The following RORA variants were observed in gnomAD, a reference collection of about 807,000 sequenced individuals.
RORA encodes RAR related orphan receptor A.
A neutral mutation model predicts 69.5 loss-of-function variants in RORA; 7 were observed. The ratio of observed to expected loss-of-function variants is 0.10; its 90% CI spans 0.06 to 0.19. The LOEUF (loss-of-function observed/expected upper bound fraction) is 0.19, where lower values mean the gene tolerates loss of function less well. Among genes scored for constraint, RORA ranks in the 10% least tolerant of loss-of-function variants. The pLI is 1.00. For synonymous variants in RORA, 261 were observed against 240.8 expected (o/e 1.08, Z -0.78); for missense variants, 457 against 663.0 (o/e 0.69, Z 3.41).
intron 1 of RORA, among the ~76,000 whole-genome samples, chr15:60,740,272 G>GA (rs143064517): frequency 0.085 from 12,897 of 152,168 alleles, 626 homozygotes; most frequent in Admixed American, 0.12. Flanking sequence ...CACTTCAGAA[G>GA]AAAAATCACC....
intron 1 of RORA, among the ~76,000 whole-genome samples, chr15:60,766,726 C>A (rs913380161): frequency 6.6e-6 from 1 of 151,872 alleles, no homozygotes. Context: ...TTGCTGGGGC[C>A]GAGTTTTAAA....
intron 1 of RORA, among the ~76,000 whole-genome samples, chr15:60,931,597 C>G (rs530648796): frequency 6.6e-5 from 10 of 152,340 alleles, no homozygotes; most frequent in Admixed American, 6.5e-4. Flanking sequence ...TGGCTGATGC[C>G]AAGACTTAAT....
intron 1 of RORA, among the ~76,000 whole-genome samples, chr15:60,774,276 A>T (rs999330410): frequency 2.0e-5 from 3 of 152,194 alleles, no homozygotes; most frequent in Non-Finnish European, 2.9e-5. Context: ...AGTACTTTTC[A>T]ATGTCAAGGC....
intron 1 of RORA, among the ~76,000 whole-genome samples, chr15:61,158,417 T>C (rs2079464580): frequency 6.6e-6 from 1 of 152,210 alleles, no homozygotes; most frequent in African/African-American, 2.4e-5. Flanking sequence ...TAATTGGATA[T>C]GAACTTTTCA....
intron 1 of RORA, among the ~76,000 whole-genome samples, chr15:61,014,775 G>A (rs576342777): frequency 6.6e-6 from 1 of 152,208 alleles, no homozygotes; most frequent in South Asian, 2.1e-4. Context: ...TAACACAGAC[G>A]AAGCCAAAGG....
At chr15:60,960,642 C>G (rs927335601) in intron 1 of RORA, among the ~76,000 whole-genome samples, 1 of 138,946 alleles carries the variant, frequency 7.2e-6, no homozygotes, top group Non-Finnish European at 1.6e-5. Context: ...GCACACAAAT[C>G]TTTTTTTTTT....
At chr15:60,753,207 G>T (rs188250516) in intron 1 of RORA, among the ~76,000 whole-genome samples, 1 of 152,336 alleles carries the variant, frequency 6.6e-6, no homozygotes, top group Admixed American at 6.5e-5. Context: ...CCTACTCGCA[G>T]TTTAGTTCTG....
At chr15:61,088,991 C>T (rs999829369) in intron 1 of RORA, among the ~76,000 whole-genome samples, 1 of 152,176 alleles carries the variant, frequency 6.6e-6, no homozygotes, top group African/African-American at 2.4e-5. Context: ...TAAACATCTG[C>T]CCCAGTGTCT....
Position 61,131,426 on chromosome 15 carries a change from T to C in RORA, c.166+97627A>G, listed in dbSNP as rs916846965. Among the ~76,000 whole-genome samples, 2 of 152,262 alleles carry C rather than the reference T, an allele frequency of 1.3e-5. No homozygotes were observed. Among genetic ancestry groups the C allele is most frequent in the African/African-American group, 4.8e-5 (2 of 41,470 alleles). On this transcript the variant is annotated intron_variant, in intron 1 of 10. Transcript: ENST00000335670. This position sits in a 1 kb window ranked among gnomAD's most constrained non-coding sequence, Gnocchi z 4.2. ...TGGAGCAAGGTGACTCCAGCATTTCTCTAGAGGACACAGCTGCAGGCTCTT... is the reference window on the plus strand; with the variant it reads ...TGGAGCAAGGTGACTCCAGCATTTCCCTAGAGGACACAGCTGCAGGCTCTT...
At chr15:60,768,669 T>A (rs2072024705) in intron 1 of RORA, among the ~76,000 whole-genome samples, 2 of 152,190 alleles carry the variant, frequency 1.3e-5, no homozygotes, top group Admixed American at 1.3e-4. Context: ...AAAATCCATC[T>A]CACAACTGAA....
chr15:61,025,867 T>C (rs563958211), intron 1 of RORA, among the ~76,000 whole-genome samples: 3 of 152,352 alleles, frequency 2.0e-5, no homozygotes, highest in Non-Finnish European at 4.4e-5. Flanking sequence ...GCCTACATTC[T>C]TTCAGGGCCT....
intron 1 of RORA, among the ~76,000 whole-genome samples, chr15:60,908,536 C>T (rs931566249): frequency 6.6e-6 from 1 of 152,090 alleles, no homozygotes; most frequent in African/African-American, 2.4e-5. Context: ...TAAAAATAAG[C>T]TTTGGGAAGC....
intron 1 of RORA, among the ~76,000 whole-genome samples, chr15:60,920,516 G>C (rs573159486): frequency 1.3e-5 from 2 of 152,256 alleles, no homozygotes; most frequent in Admixed American, 6.5e-5. Context: ...TAGGCCTAAA[G>C]TCACCAAGCT....
At chr15:61,177,205 T>C (rs182470095) in intron 1 of RORA, among the ~76,000 whole-genome samples, 3 of 152,320 alleles carry the variant, frequency 2.0e-5, no homozygotes, top group Non-Finnish European at 2.9e-5. Context: ...AGAGGAAGAT[T>C]TGCTGCTCTG....
At chr15:61,049,064 A>G (rs575612568) in intron 1 of RORA, among the ~76,000 whole-genome samples, 65 of 152,274 alleles carry the variant, frequency 4.3e-4, no homozygotes, top group African/African-American at 9.9e-4. Context: ...TCGTGTCCCA[A>G]CACCACATCT....
intron 1 of RORA, among the ~76,000 whole-genome samples, chr15:60,742,164 C>T (rs140366621): frequency 2.6e-4 from 39 of 152,228 alleles, no homozygotes; most frequent in African/African-American, 8.4e-4. Context: ...CTTCAACAGC[C>T]ACCAAGTTTC....
chr15:60,750,621 G>T (rs919583757), intron 1 of RORA, among the ~76,000 whole-genome samples: 1 of 152,154 alleles, frequency 6.6e-6, no homozygotes, highest in South Asian at 2.1e-4. Context: ...CTTTCAAGGA[G>T]AGAGGACATC....
intron 1 of RORA, among the ~76,000 whole-genome samples, chr15:60,747,151 A>T (rs373198240): frequency 1.2e-3 from 190 of 152,202 alleles, no homozygotes; most frequent in African/African-American, 4.3e-3. Context: ...CAATAAAGTG[A>T]TTTTGGTTAA....
At chr15:60,749,711 A>G (rs2071696882) in intron 1 of RORA, among the ~76,000 whole-genome samples, 2 of 152,178 alleles carry the variant, frequency 1.3e-5, no homozygotes, top group African/African-American at 4.8e-5. Context: ...CTAAATCTAA[A>G]TAACAAAAAC....
Sources: allele counts gnomAD v4.1 joint callset (sites outside exome capture counted in the v4.1 genomes callset), GRCh38; gene constraint gnomAD v4.1.1; non-coding constraint Gnocchi (gnomAD v3.1); transcripts MANE v1.5; gene names NCBI Gene and HGNC (gene_info 2026-07-23, HGNC 2026-07-21).